NSG2: variants seen among roughly 807,000 people sequenced by gnomAD.
The protein encoded by NSG2 is neuronal vesicle trafficking-associated protein 2.
NSG2 carries 4 observed loss-of-function variants against 16.9 expected under a neutral mutation model. The observed-to-expected ratio is 0.24, with a 90% CI of 0.12 to 0.54. The LOEUF (loss-of-function observed/expected upper bound fraction) is 0.54, where lower values mean the gene tolerates loss of function less well. NSG2 is among the 20% of genes least tolerant of loss of function. The pLI, the probability that NSG2 is intolerant of heterozygous loss-of-function variation, is 0.95. For missense variants in NSG2, 179 were observed against 221.1 expected (o/e 0.81, Z 1.21); for synonymous variants, 98 against 88.7 (o/e 1.11, Z -0.59).
chr5:174,063,338 C>G (rs1357911322), intron 2 of NSG2, among the ~76,000 whole-genome samples: 2 of 152,064 alleles, frequency 1.3e-5, no homozygotes, highest in African/African-American at 2.4e-5. Context: ...AATGTCTTGT[C>G]AGGTTGACAG....
At chr5:174,100,160 TCC>T (rs1760876728) in intron 3 of NSG2, among the ~76,000 whole-genome samples, 1 of 152,180 alleles carries the variant, frequency 6.6e-6, no homozygotes. Flanking sequence ...TTGGGCAGAA[TCC>T]CATGGGCTGG....
rs937652741 is a variant in NSG2, at chr5:174,096,677, G to A, written c.214-7551G>A. On this transcript the variant is annotated intron_variant, in intron 3 of 4. Coordinates refer to ENST00000303177, the MANE Select transcript of NSG2 (RefSeq NM_015980.5). ...GAGCAGTGAGGCTGCTGCACCCAGG[G>A]GAGAGGTGATGGTGGTCTGGCCAGG... Among the ~76,000 whole-genome samples the A allele has an allele frequency of 2.0e-4, 31 of 152,180 alleles. 1 individual carries two copies. Among genetic ancestry groups the A allele is most frequent in the Admixed American group, 9.2e-4 (14 of 15,298 alleles).
intron 3 of NSG2, among the ~76,000 whole-genome samples, chr5:174,084,982 G>A (rs1760579682): frequency 6.6e-6 from 1 of 152,164 alleles, no homozygotes; most frequent in Admixed American, 6.5e-5. Flanking sequence ...TTTGGAGCCA[G>A]GAAGAGTGGG....
intron 2 of NSG2, among the ~76,000 whole-genome samples, chr5:174,059,079 C>T (rs1014856057): frequency 1.3e-5 from 2 of 152,200 alleles, no homozygotes; most frequent in Non-Finnish European, 2.9e-5. Flanking sequence ...ATGGTCCCAA[C>T]TCTGCCTAAT....
At chr5:174,102,941 C>CTTTTTTTTTTTTTT (rs143473714) in intron 3 of NSG2, among the ~76,000 whole-genome samples, 4 of 111,730 alleles carry the variant, frequency 3.6e-5, no homozygotes, top group Admixed American at 1.9e-4. Context: ...ACCACCCTGG[C>CTTTTTTTTTTTTTT]TTTTTTTTTT....
rs1194883914 is a variant in NSG2, at chr5:174,061,942, G to T, written c.130-2290G>T. On this transcript the variant is annotated intron_variant, in intron 2 of 4. Coordinates refer to ENST00000303177, the MANE Select transcript of NSG2 (RefSeq NM_015980.5). ...TTTTTTTTTTTTTTTAGGCAGGGAA[G>T]TTGGGGGCATTCTTGAATGCCCATG... Among the ~76,000 whole-genome samples the T allele has an allele frequency of 4.9e-5, 7 of 142,156 alleles. No homozygotes were observed. In the East Asian group the frequency reaches 6.0e-4, roughly 12 times the overall value. The allele number at this position is 142,156 out of a possible 152,430, so 93.3% of individuals were successfully genotyped here.
At chr5:174,085,348 G>T (rs1054669126) in intron 3 of NSG2, among the ~76,000 whole-genome samples, 3 of 151,962 alleles carry the variant, frequency 2.0e-5, no homozygotes, top group African/African-American at 7.3e-5. Context: ...AAATTGTGGA[G>T]CAGAGATTAA....
intron 3 of NSG2, among the ~76,000 whole-genome samples, chr5:174,098,900 G>A (rs1465543938): frequency 1.3e-5 from 2 of 152,262 alleles, no homozygotes; most frequent in African/African-American, 2.4e-5. Flanking sequence ...GCTGTTTATC[G>A]CGAGGCTCAG....
chr5:174,079,237 T>A (rs906437567), intron 3 of NSG2, among the ~76,000 whole-genome samples: 2 of 146,678 alleles, frequency 1.4e-5, no homozygotes, highest in African/African-American at 5.3e-5. Context: ...CTGCATGTCT[T>A]TCTCTCTCTT....
At chr5:174,047,101 A>C (rs753476378) in intron 2 of NSG2, among the ~76,000 whole-genome samples, 1 of 152,206 alleles carries the variant, frequency 6.6e-6, no homozygotes, top group Non-Finnish European at 1.5e-5. Context: ...TCATATCTGC[A>C]TAAATGGGCA....
chr5:174,057,360 A>G (rs1051077284), intron 2 of NSG2, among the ~76,000 whole-genome samples: 4 of 152,294 alleles, frequency 2.6e-5, no homozygotes, highest in African/African-American at 4.8e-5. Context: ...GATTCCTCCA[A>G]GGTACAATTA....
At chr5:174,086,223 G>A (rs971740712) in intron 3 of NSG2, among the ~76,000 whole-genome samples, 1 of 152,158 alleles carries the variant, frequency 6.6e-6, no homozygotes, top group Non-Finnish European at 1.5e-5. Flanking sequence ...GTGATTGCTG[G>A]CTAACTGACC....
At chr5:174,081,887 C>CAAAAAAA (rs60742273) in intron 3 of NSG2, among the ~76,000 whole-genome samples, 1 of 70,200 alleles carries the variant, frequency 1.4e-5, no homozygotes, top group African/African-American at 4.5e-5. Context: ...GACTCCGACT[C>CAAAAAAA]AAAAAAAAAA....
intron 2 of NSG2, among the ~76,000 whole-genome samples, chr5:174,048,227 T>C (rs923582663): frequency 3.3e-5 from 5 of 152,194 alleles, no homozygotes; most frequent in Admixed American, 6.5e-5. Flanking sequence ...TATCAGAGCT[T>C]CTTGGTTTTG....
chr5:174,095,235 C>G (rs1439250630), intron 3 of NSG2, among the ~76,000 whole-genome samples: 1 of 152,144 alleles, frequency 6.6e-6, no homozygotes, highest in Non-Finnish European at 1.5e-5. Flanking sequence ...GCACGTATAC[C>G]AGGCACTGTG....
At chr5:174,084,055 T>C (rs986425156) in intron 3 of NSG2, 1 of 152,252 alleles carries the variant, frequency 6.6e-6, no homozygotes, top group Non-Finnish European at 1.5e-5. Flanking sequence ...CCTTGAGCTA[T>C]ATGTCTTGCC....
intron 3 of NSG2, 143 bp downstream of exon 3, chr5:174,064,458 G>C: frequency 2.0e-6 from 1 of 511,486 alleles, no homozygotes; most frequent in Non-Finnish European, 3.5e-6. Flanking sequence ...AAGCCATACA[G>C]TCTGGCCACT....
chr5:174,065,018 A>G (rs1670699214), intron 3 of NSG2, among the ~76,000 whole-genome samples: 1 of 152,222 alleles, frequency 6.6e-6, no homozygotes, highest in African/African-American at 2.4e-5. Flanking sequence ...ACAGAAATAG[A>G]AACCCTGAAT....
At chr5:174,106,583 CTTTTTTTTTTTT>C (rs752375646) in intron 4 of NSG2, among the ~76,000 whole-genome samples, 1,565 of 93,410 alleles carry the variant, frequency 0.017, 13 homozygotes, top group Non-Finnish European at 0.024. Context: ...GGAATGAAGC[CTTTTTTTTTTTT>C]TTTTTTTTTT....
Sources: allele counts gnomAD v4.1 joint callset (sites outside exome capture counted in the v4.1 genomes callset), GRCh38; gene constraint gnomAD v4.1.1; transcripts MANE v1.5; gene names NCBI Gene and HGNC (gene_info 2026-07-23, HGNC 2026-07-21).